The following ABCC4 variants were observed in gnomAD, a reference collection of about 807,000 sequenced individuals.
ABCC4 encodes the protein ATP binding cassette subfamily C member 4 (PEL blood group), also known as ATP-binding cassette sub-family C member 4.
A neutral mutation model predicts 168.5 loss-of-function variants in ABCC4; 102 were observed. That is an observed-to-expected ratio of 0.61 (90% CI 0.52 to 0.71). The LOEUF (loss-of-function observed/expected upper bound fraction) is 0.71, where lower values mean the gene tolerates loss of function less well. Ranked by LOEUF, ABCC4 falls within the 30% of genes least tolerant of loss-of-function variation. The probability of loss-of-function intolerance (pLI) is 0.00; values close to 1 mark genes in which losing one functional copy is unlikely to be tolerated. For synonymous variants in ABCC4, 617 were observed against 590.7 expected (o/e 1.04, Z -0.65); for missense variants, 1,402 against 1,605.8 (o/e 0.87, Z 2.17).
intron 9 of ABCC4, among the ~76,000 whole-genome samples, chr13:95,190,896 G>A (rs4148486): frequency 0.56 from 85,480 of 152,092 alleles, 24,189 homozygotes; most frequent in Non-Finnish European, 0.59. Context: ...TCTTCTGCAC[G>A]ACACACTTTG....
At chr13:95,296,175 CACACACACAA>C (rs750302944) in intron 1 of ABCC4, among the ~76,000 whole-genome samples, 30,232 of 97,906 alleles carry the variant, frequency 0.31, 4,286 homozygotes, top group Non-Finnish European at 0.37. Context: ...CACACACACA[CACACACACAA>C]AAACACAAAA....
chr13:95,124,465 G>A (rs1176815928), intron 19 of ABCC4, among the ~76,000 whole-genome samples: 1 of 151,202 alleles, frequency 6.6e-6, no homozygotes, highest in Non-Finnish European at 1.5e-5. Flanking sequence ...ACCAAGGGGA[G>A]AGGACTGTTT....
intron 1 of ABCC4, among the ~76,000 whole-genome samples, chr13:95,289,361 G>A (rs1238635466): frequency 6.6e-6 from 1 of 152,186 alleles, no homozygotes; most frequent in African/African-American, 2.4e-5. Context: ...GTGACGCAGA[G>A]GCTGCAGCTC....
chr13:95,074,379 T>A, intron 22 of ABCC4, 55 bp from the exon 23 acceptor site: 1 of 1,429,248 alleles, frequency 7.0e-7, no homozygotes, highest in African/African-American at 1.4e-5. Context: ...TGTGCGAGTG[T>A]GTTTTGCTCA....
At chr13:95,231,172 G>C (rs528720378) in intron 4 of ABCC4, among the ~76,000 whole-genome samples, 1 of 152,298 alleles carries the variant, frequency 6.6e-6, no homozygotes, top group Admixed American at 6.5e-5. Context: ...TTCCACCTGG[G>C]AAGATGAACA....
At chr13:95,165,935 C>T (rs968221710) in intron 15 of ABCC4, among the ~76,000 whole-genome samples, 3 of 152,206 alleles carry the variant, frequency 2.0e-5, no homozygotes, top group Non-Finnish European at 4.4e-5. Flanking sequence ...ACACCCGCTA[C>T]TCACCTCCTT....
chr13:95,142,230 G>A lies in ABCC4; in HGVS notation c.2455+18959C>T, dbSNP rs566728610. ...TAAAGAAACCGTGGAATATAGATAC[G>A]ACAGAATACTACTCAGCCATAAAAA... On this transcript the variant is annotated intron_variant, in intron 19 of 30. Transcript: ENST00000645237. Among the ~76,000 whole-genome samples the A allele has an allele frequency of 1.5e-4, 23 of 152,244 alleles. 1 individual carries two copies. Among genetic ancestry groups the A allele is most frequent in the South Asian group, 2.1e-4 (1 of 4,816 alleles).
chr13:95,025,316 A>C (rs1593957605), intron 30 of ABCC4, among the ~76,000 whole-genome samples: 1 of 24,164 alleles, frequency 4.1e-5, no homozygotes, highest in Non-Finnish European at 7.4e-5. Context: ...CACCCCCCAC[A>C]CACACCCACA....
chr13:95,249,888 T>C lies in ABCC4; in HGVS notation c.75-2135A>G, dbSNP rs1193910091. 3.9e-5 allele frequency among the ~76,000 whole-genome samples: 6 copies of C among 152,188 alleles called. No homozygotes were observed. In the South Asian group the frequency reaches 1.2e-3, roughly 31 times the overall value. The stretch of plus-strand genomic sequence containing the variant: ...GCTGAACAGTTAACTGCATAACATT[T>C]AGAAATATTAACAAGGAGGGATGCC... On this transcript the variant is annotated intron_variant, in intron 1 of 30. Coordinates refer to ENST00000645237, the MANE Select transcript of ABCC4 (RefSeq NM_005845.5).
chr13:95,252,739 C>G (rs1179230010), intron 1 of ABCC4, among the ~76,000 whole-genome samples: 1 of 152,222 alleles, frequency 6.6e-6, no homozygotes, highest in African/African-American at 2.4e-5. Context: ...GGGTTCAGCA[C>G]TATCCACGGC....
chr13:95,099,857 G>A (rs1196031800), intron 20 of ABCC4, among the ~76,000 whole-genome samples: 4 of 152,176 alleles, frequency 2.6e-5, no homozygotes, highest in Non-Finnish European at 4.4e-5. Context: ...AAACTCACAA[G>A]TAGAACAGAT....
chr13:95,172,414 T>C (rs1197906579), intron 13 of ABCC4, among the ~76,000 whole-genome samples: 1 of 151,702 alleles, frequency 6.6e-6, no homozygotes, highest in African/African-American at 2.4e-5. Context: ...CCACTAAAAA[T>C]ACAAAAATTA....
intron 11 of ABCC4, among the ~76,000 whole-genome samples, chr13:95,186,485 C>T (rs958968237): frequency 3.9e-5 from 6 of 152,052 alleles, no homozygotes; most frequent in Admixed American, 6.6e-5. Context: ...CAAAACCAAC[C>T]AAACCCCCGA....
At chr13:95,152,887 T>C (rs887979719) in intron 19 of ABCC4, among the ~76,000 whole-genome samples, 6 of 152,174 alleles carry the variant, frequency 3.9e-5, no homozygotes, top group Admixed American at 6.6e-5. Flanking sequence ...ATATGAGAAC[T>C]TCAAAGTCAA....
chr13:95,178,229 T>A, intron 11 of ABCC4, 138 bp from the exon 12 acceptor site: 2 of 723,094 alleles, frequency 2.8e-6, no homozygotes, highest in Non-Finnish European at 4.7e-6. Context: ...TCAACAGCAA[T>A]GGAAATATTT....
chr13:95,255,228 G>A (rs1044044738), intron 1 of ABCC4, among the ~76,000 whole-genome samples: 5 of 152,190 alleles, frequency 3.3e-5, no homozygotes, highest in Non-Finnish European at 5.9e-5. Context: ...CACTTCTCGT[G>A]TAACACTCCA....
At chr13:95,073,491 T>A in intron 23 of ABCC4, 187 bp from the exon 24 acceptor site, 1 of 400,292 alleles carries the variant, frequency 2.5e-6, no homozygotes, top group Non-Finnish European at 4.4e-6. Flanking sequence ...CACTGTATAT[T>A]TAGAAAAATT....
intron 4 of ABCC4, among the ~76,000 whole-genome samples, chr13:95,221,867 T>C (rs1030390399): frequency 7.9e-5 from 12 of 152,244 alleles, no homozygotes; most frequent in Admixed American, 2.0e-4. Context: ...CAGAGCCTCA[T>C]GCGGCCCTTT....
chr13:95,152,364 C>A (rs932151577), intron 19 of ABCC4, among the ~76,000 whole-genome samples: 2 of 152,162 alleles, frequency 1.3e-5, no homozygotes, highest in African/African-American at 4.8e-5. Context: ...TAAAGAGATG[C>A]AAATGCACTC....
Sources: allele counts gnomAD v4.1 joint callset (sites outside exome capture counted in the v4.1 genomes callset), GRCh38; gene constraint gnomAD v4.1.1; transcripts MANE v1.5; gene names NCBI Gene and HGNC (gene_info 2026-07-23, HGNC 2026-07-21).